GPC5: variants seen among roughly 807,000 people sequenced by gnomAD.
GPC5 encodes glypican-5.
Under a neutral mutation model 53.9 loss-of-function variants are expected in GPC5, and 47 were observed. The ratio of observed to expected loss-of-function variants is 0.87; its 90% CI spans 0.69 to 1.11. The LOEUF is 1.11. GPC5 is among the 50% of genes most tolerant of loss of function. GPC5 has a pLI of 0.00. For synonymous variants in GPC5, 286 were observed against 263.3 expected, an observed-to-expected ratio of 1.09 and a Z score of -0.84; for missense variants, 748 against 713.1, an observed-to-expected ratio of 1.05 and a Z score of -0.56.
intron 2 of GPC5, among the ~76,000 whole-genome samples, chr13:91,477,942 G>A (rs1883022533): frequency 6.6e-6 from 1 of 152,128 alleles, no homozygotes; most frequent in South Asian, 2.1e-4. Flanking sequence ...TTGGAAAGTG[G>A]GAAAGTAGAT....
chr13:91,958,132 A>G (rs1034465927), intron 6 of GPC5, among the ~76,000 whole-genome samples: 2 of 151,886 alleles, frequency 1.3e-5, no homozygotes, highest in Non-Finnish European at 2.9e-5. Flanking sequence ...ACTGCCTACA[A>G]GAAACTCATC....
chr13:92,578,853 A>T (rs541887383), intron 7 of GPC5, among the ~76,000 whole-genome samples: 2 of 152,308 alleles, frequency 1.3e-5, no homozygotes, highest in East Asian at 3.9e-4. Context: ...GGCCTAGAAG[A>T]TAACACGGAT....
At chr13:92,050,962 T>C (rs866893395) in intron 6 of GPC5, among the ~76,000 whole-genome samples, 7 of 152,334 alleles carry the variant, frequency 4.6e-5, no homozygotes, top group Middle Eastern at 3.4e-3. Flanking sequence ...AACTTAATAT[T>C]TTAAAAATAC....
chr13:92,040,756 C>T (rs988314817), intron 6 of GPC5, among the ~76,000 whole-genome samples: 2 of 152,146 alleles, frequency 1.3e-5, no homozygotes, highest in African/African-American at 2.4e-5. Flanking sequence ...TAGCTCAAAC[C>T]TATTTCTGTG....
chr13:92,381,844 T>C (rs915395744), intron 7 of GPC5, among the ~76,000 whole-genome samples: 2 of 94,344 alleles, frequency 2.1e-5, no homozygotes, highest in African/African-American at 8.0e-5. Flanking sequence ...TTATATTGTA[T>C]ATGATCATAT....
chr13:91,941,579 G>C (rs111231320), intron 6 of GPC5, among the ~76,000 whole-genome samples: 3,222 of 152,086 alleles, frequency 0.021, 103 homozygotes, highest in African/African-American at 0.074. Context: ...AATCTTACAT[G>C]TCTAGATCCC....
At chr13:92,849,102 G>A (rs990558319) in intron 7 of GPC5, among the ~76,000 whole-genome samples, 4 of 148,272 alleles carry the variant, frequency 2.7e-5, no homozygotes, top group African/African-American at 1.0e-4. Flanking sequence ...ATGTTACATA[G>A]TCCCATCTAA....
chr13:92,852,808 C>T (rs573200946), intron 7 of GPC5, among the ~76,000 whole-genome samples: 1 of 152,214 alleles, frequency 6.6e-6, no homozygotes, highest in East Asian at 1.9e-4. Context: ...AGCTTTGAAG[C>T]ATATATTGAT....
chr13:91,747,387 A>G (rs144481806), intron 4 of GPC5, among the ~76,000 whole-genome samples: 17 of 152,312 alleles, frequency 1.1e-4, no homozygotes, highest in Admixed American at 1.0e-3. Flanking sequence ...ATGCTAGTCC[A>G]TGTTTCTCCC....
At chr13:92,138,536 AAAAAT>A (rs1232928314) in intron 6 of GPC5, among the ~76,000 whole-genome samples, 6 of 148,292 alleles carry the variant, frequency 4.0e-5, no homozygotes, top group Non-Finnish European at 9.0e-5. Context: ...ATAAAAAATA[AAAAAT>A]AAAAAAAAAT....
At chr13:91,756,218 A>T in intron 4 of GPC5, 77 bp from the exon 5 acceptor site, 1 of 1,077,172 alleles carries the variant, frequency 9.3e-7, no homozygotes, top group Non-Finnish European at 1.3e-6. Context: ...AACATTATGT[A>T]TAACAATACA....
chr13:91,423,479 A>C (rs934990736), intron 1 of GPC5, among the ~76,000 whole-genome samples: 1 of 152,190 alleles, frequency 6.6e-6, no homozygotes, highest in Non-Finnish European at 1.5e-5. Context: ...AGACTTTGGA[A>C]GGGAAATATA....
chr13:92,634,345 G>T (rs771412511), intron 7 of GPC5, among the ~76,000 whole-genome samples: 3 of 152,036 alleles, frequency 2.0e-5, no homozygotes, highest in African/African-American at 4.8e-5. Context: ...GTGAACTCTG[G>T]TATCTATTCT....
chr13:91,852,996 T>C (rs766028584), intron 5 of GPC5, among the ~76,000 whole-genome samples: 2 of 152,098 alleles, frequency 1.3e-5, no homozygotes, highest in Non-Finnish European at 2.9e-5. Context: ...CCTTGTGTAG[T>C]TTACATTCTA....
At chr13:91,815,025 GA>G (rs1296817221) in intron 5 of GPC5, among the ~76,000 whole-genome samples, 1 of 152,086 alleles carries the variant, frequency 6.6e-6, no homozygotes, top group East Asian at 1.9e-4. Context: ...CTAATTTTAT[GA>G]GACCAATAAG....
intron 7 of GPC5, among the ~76,000 whole-genome samples, chr13:92,170,705 G>A (rs112230306): frequency 0.018 from 2,716 of 152,106 alleles, 106 homozygotes; most frequent in African/African-American, 0.061. Context: ...GATTACAGGC[G>A]TAAGCCACCA....
chr13:91,902,873 C>T (rs1216022491), intron 5 of GPC5, among the ~76,000 whole-genome samples: 5 of 151,848 alleles, frequency 3.3e-5, no homozygotes, highest in African/African-American at 1.2e-4. Context: ...TTAAACATAC[C>T]TGTGTGGGTC....
intron 7 of GPC5, among the ~76,000 whole-genome samples, chr13:92,632,917 G>T (rs1280793609): frequency 1.3e-5 from 2 of 152,078 alleles, no homozygotes; most frequent in African/African-American, 4.8e-5. Context: ...TTGAGACAGA[G>T]TTTTGCTCTG....
intron 2 of GPC5, among the ~76,000 whole-genome samples, chr13:91,532,946 A>G (rs9583942): frequency 0.14 from 20,708 of 152,080 alleles, 1,790 homozygotes; most frequent in African/African-American, 0.24. Context: ...TGGCTTATGT[A>G]TATTTTCAGT....
Sources: gnomAD v4.1 joint callset for allele counts (sites outside exome capture counted in the v4.1 genomes callset) on GRCh38, gnomAD v4.1.1 for gene constraint, MANE v1.5 for transcripts, NCBI Gene and HGNC (gene_info 2026-07-23, HGNC 2026-07-21) for gene names.